The following CFHR4 variants were observed in gnomAD, a reference collection of about 807,000 sequenced individuals.
The protein encoded by CFHR4 is complement factor H-related protein 4.
In CFHR4, 64 loss-of-function variants were observed where a neutral mutation model predicts 69.3. The observed-to-expected ratio is 0.92, with a 90% CI of 0.76 to 1.14. The LOEUF is 1.14. Among genes scored for constraint, CFHR4 ranks in the 50% most tolerant of loss-of-function variants. The pLI, the probability that CFHR4 is intolerant of heterozygous loss-of-function variation, is 0.00. For synonymous variants in CFHR4, 244 were observed against 237.0 expected, an observed-to-expected ratio of 1.03 and a Z score of -0.27; for missense variants, 636 against 684.9, an observed-to-expected ratio of 0.93 and a Z score of 0.80.
chr1:196,901,784 CTTA>C (rs1431633006), intron 1 of CFHR4, among the ~76,000 whole-genome samples: 4 of 151,080 alleles, frequency 2.6e-5, no homozygotes, highest in South Asian at 2.1e-4. Context: ...TTAAAAACAT[CTTA>C]TTTTCTAATC....
chr1:196,898,436 CA>C (rs1657423834), intron 1 of CFHR4, among the ~76,000 whole-genome samples: 1 of 151,430 alleles, frequency 6.6e-6, no homozygotes, highest in Non-Finnish European at 1.5e-5. Flanking sequence ...CTTTGCTTTC[CA>C]AAGTAGATAA....
At chr1:196,907,569 AT>A in intron 5 of CFHR4, 71 bp downstream of exon 5, 2 of 1,309,392 alleles carry the variant, frequency 1.5e-6, no homozygotes, top group Non-Finnish European at 2.2e-6. Context: ...TTATACTAAA[AT>A]TTTTATGGGT....
chr1:196,890,891 G>A (rs1656991132), intron 1 of CFHR4, among the ~76,000 whole-genome samples: 1 of 151,446 alleles, frequency 6.6e-6, no homozygotes, highest in Admixed American at 6.6e-5. Flanking sequence ...CCTTCTAGTG[G>A]GAGAAACGAT....
intron 5 of CFHR4, among the ~76,000 whole-genome samples, chr1:196,908,245 C>T (rs1044822502): frequency 6.6e-6 from 1 of 151,238 alleles, no homozygotes; most frequent in Non-Finnish European, 1.5e-5. Context: ...CACCATGGCA[C>T]ATGTATTCCT....
chr1:196,900,028 G>A (rs922284476), intron 1 of CFHR4, among the ~76,000 whole-genome samples: 1 of 151,484 alleles, frequency 6.6e-6, no homozygotes, highest in African/African-American at 2.4e-5. Flanking sequence ...CATAATTCCA[G>A]AAGAATCCTA....
chr1:196,910,095 T>C (rs1040867320), intron 5 of CFHR4, among the ~76,000 whole-genome samples, 186 bp from the exon 6 acceptor site: 1 of 143,122 alleles, frequency 7.0e-6, no homozygotes, highest in Admixed American at 7.3e-5. Context: ...GAGGTCACAG[T>C]GAGCAGTGAT....
Position 196,899,220 on chromosome 1 carries a change from C to CT in CFHR4, c.59-3188dup, listed in dbSNP as rs568575646. Among the ~76,000 whole-genome samples, 184 of 149,096 alleles carry CT rather than the reference C, an allele frequency of 1.2e-3. 5 individuals are homozygous for CT. The East Asian group carries it at 0.021, about 17-fold the overall frequency. On this transcript the variant is annotated intron_variant, in intron 1 of 9. Transcript: ENST00000608469. The stretch of plus-strand genomic sequence containing the variant: ...TTTTTTCTGTCTCTACAAACATATT[C>CT]TTTTTTTTTTCTATCTTGCAGTGCA...
chr1:196,904,788 G>C (rs1025407342), intron 2 of CFHR4, among the ~76,000 whole-genome samples: 1 of 151,650 alleles, frequency 6.6e-6, no homozygotes, highest in Non-Finnish European at 1.5e-5. Context: ...CACCAGAAAG[G>C]TTCAGGTTAT....
chr1:196,917,005 G>T lies in CFHR4; in HGVS notation c.1541-1205G>T, dbSNP rs190558627. Among the ~76,000 whole-genome samples the T allele has an allele frequency of 1.3e-4, 19 of 151,642 alleles. 1 individual carries two copies. The highest frequency in any genetic ancestry group is 3.4e-4 in the African/African-American group (14 of 41,222). On this transcript the variant is annotated intron_variant, in intron 9 of 9. Transcript: ENST00000608469. Reference sequence around the variant, plus strand: ...TTAGAAAGTTTTGGAAAATATGTTTGGAGAAGTATTTAGAGTTCAAATAAT... The same window carrying T: ...TTAGAAAGTTTTGGAAAATATGTTTTGAGAAGTATTTAGAGTTCAAATAAT...
At position 196,918,226 on chromosome 1, in the gene CFHR4, T is replaced by A. The variant is rs762910234; in HGVS notation, c.1557T>A (p.Thr519=). ...TGCTTTCAGATCCATGTATAATAAC[T>A]GAAGAAAACATGAATAAAAATAACA... ...PPRCIHPCII[T]EENMNKNNIQ... Residue 519 remains threonine (T), a synonymous_variant, in exon 10 of 10, where the codon ACT becomes ACA. Coordinates refer to ENST00000608469, the MANE Select transcript of CFHR4 (RefSeq NM_001201550.3). The A allele has an allele frequency of 6.2e-7, 1 of 1,604,156 alleles. No homozygotes were observed. The highest frequency in any genetic ancestry group is 1.1e-5 in the South Asian group (1 of 90,836).
chr1:196,918,150 T>C lies in CFHR4; in HGVS notation c.1541-60T>C, dbSNP rs772078157. The C allele has an allele frequency of 1.0e-4, 157 of 1,534,458 alleles. 1 individual carries two copies. The highest frequency in any genetic ancestry group is 5.2e-4 in the Middle Eastern group (3 of 5,756). ...ATCCTAAACTACTCATTAGGATGCA[T>C]TTTATTTGCTCATGAAAGGCAAGAT... On this transcript the variant is annotated intron_variant, in intron 9 of 9. Transcript: ENST00000608469.
chr1:196,911,107 C>A (rs557314089), intron 6 of CFHR4, among the ~76,000 whole-genome samples: 2 of 81,344 alleles, frequency 2.5e-5, no homozygotes, highest in South Asian at 3.7e-4. Context: ...TGTTTGAGAC[C>A]CCAGTATGTC....
chr1:196,892,437 G>C (rs1020059863), intron 1 of CFHR4, among the ~76,000 whole-genome samples: 4 of 151,346 alleles, frequency 2.6e-5, no homozygotes, highest in African/African-American at 4.9e-5. Context: ...TCTTTGTTTT[G>C]ATAGAAAAAT....
At chr1:196,916,189 G>A (rs895239727) in intron 9 of CFHR4, among the ~76,000 whole-genome samples, 4 of 151,402 alleles carry the variant, frequency 2.6e-5, no homozygotes, top group South Asian at 2.1e-4. Context: ...TGAACTTGAA[G>A]CAACACAATT....
Position 196,907,307 on chromosome 1 carries a change from T to C in CFHR4, c.617-9T>C, listed in dbSNP as rs764771054. Reference sequence around the variant, plus strand: ...TGATTTTTCCCCAATGTAAAGTATTTTTTTTCAGATTCTTCAGAAAACTGT... The same window carrying C: ...TGATTTTTCCCCAATGTAAAGTATTCTTTTTCAGATTCTTCAGAAAACTGT... On this transcript the variant is annotated splice_polypyrimidine_tract_variant and intron_variant, in intron 4 of 9. Transcript: ENST00000608469. 1.9e-6 allele frequency: 3 copies of C among 1,606,266 alleles called. No individual in the cohort carries two copies. In the South Asian group the frequency reaches 3.3e-5, roughly 18 times the overall value.
At chr1:196,899,922 C>T (rs1657505307) in intron 1 of CFHR4, among the ~76,000 whole-genome samples, 1 of 151,554 alleles carries the variant, frequency 6.6e-6, no homozygotes, top group Non-Finnish European at 1.5e-5. Context: ...TCTTTTGTGT[C>T]TGCCCATAGT....
At position 196,902,183 on chromosome 1, in the gene CFHR4, C is replaced by T. The variant is rs151233130; in HGVS notation, c.59-235C>T. Among the ~76,000 whole-genome samples the T allele has an allele frequency of 5.6e-3, 844 of 151,422 alleles. 32 individuals carry two copies. Among genetic ancestry groups the T allele is most frequent in the African/African-American group, 0.02 (804 of 41,064 alleles). ...GAAGCTCACTAATCAACCAGGGCTA[C>T]GATATATGTACTCATGGAGGGTACA... On this transcript the variant is annotated intron_variant, in intron 1 of 9. Coordinates refer to ENST00000608469, the MANE Select transcript of CFHR4 (RefSeq NM_001201550.3).
intron 1 of CFHR4, among the ~76,000 whole-genome samples, chr1:196,895,933 T>A (rs954401429): frequency 3.3e-5 from 5 of 151,400 alleles, no homozygotes; most frequent in African/African-American, 9.8e-5. Context: ...TTTTCATTTA[T>A]TGTTTTTGTC....
chr1:196,918,165 A>G, intron 9 of CFHR4, 45 bp from the exon 10 acceptor site: 1 of 1,573,538 alleles, frequency 6.4e-7, no homozygotes. Context: ...TTTGCTCATG[A>G]AAGGCAAGAT....
Sources: gnomAD v4.1 joint callset for allele counts (sites outside exome capture counted in the v4.1 genomes callset) on GRCh38, gnomAD v4.1.1 for gene constraint, MANE v1.5 for transcripts, NCBI Gene and HGNC (gene_info 2026-07-23, HGNC 2026-07-21) for gene names.